Variants in PRR16 observed in about 807,000 individuals in gnomAD.
The protein encoded by PRR16 is protein Largen.
PRR16 carries 6 observed loss-of-function variants against 18.2 expected under a neutral mutation model. That is an observed-to-expected ratio of 0.33 (90% CI 0.18 to 0.65). The LOEUF (loss-of-function observed/expected upper bound fraction) is 0.65, where lower values mean the gene tolerates loss of function less well. PRR16 is among the 30% of genes least tolerant of loss of function. The pLI is 0.74. For synonymous variants in PRR16, 151 were observed against 147.8 expected, an observed-to-expected ratio of 1.02 and a Z score of -0.16; for missense variants, 412 against 376.6, an observed-to-expected ratio of 1.09 and a Z score of -0.78.
chr5:120,497,483 TG>T (rs1750294205), intron 1 of PRR16, among the ~76,000 whole-genome samples: 1 of 149,442 alleles, frequency 6.7e-6, no homozygotes, highest in African/African-American at 2.5e-5. Flanking sequence ...CTCCGTCTCC[TG>T]GTTCACACGA....
intron 1 of PRR16, among the ~76,000 whole-genome samples, chr5:120,683,438 G>T (rs1205768452): frequency 6.7e-6 from 1 of 149,212 alleles, no homozygotes. Context: ...GGAGATGGAG[G>T]TTGCGGTGAG....
the PRR16 span, among the ~76,000 whole-genome samples, chr5:120,750,857 A>T: frequency 6.6e-6 from 1 of 152,168 alleles, no homozygotes; most frequent in African/African-American, 2.4e-5. Flanking sequence ...AATACACAGT[A>T]AATCATTGTT....
chr5:120,483,561 T>C (rs1480880612), intron 1 of PRR16, among the ~76,000 whole-genome samples: 1 of 152,160 alleles, frequency 6.6e-6, no homozygotes, highest in African/African-American at 2.4e-5. Flanking sequence ...GGAGACCATA[T>C]GTCAGAGCTA....
intron 1 of PRR16, among the ~76,000 whole-genome samples, chr5:120,681,559 A>G (rs945759179): frequency 6.6e-6 from 1 of 152,118 alleles, no homozygotes; most frequent in Non-Finnish European, 1.5e-5. Flanking sequence ...TTGTTTACCA[A>G]TGCCTTTGTT....
intron 1 of PRR16, among the ~76,000 whole-genome samples, chr5:120,626,211 T>C (rs890265292): frequency 1.3e-5 from 2 of 152,148 alleles, no homozygotes; most frequent in South Asian, 4.1e-4. Context: ...ACAATCCAAA[T>C]GTTCATCAAC....
chr5:120,706,805 C>T, the PRR16 span, among the ~76,000 whole-genome samples: 13 of 152,152 alleles, frequency 8.5e-5, no homozygotes, highest in African/African-American at 3.1e-4. Flanking sequence ...TCGAATTCAA[C>T]TTCTTGGAGA....
intron 1 of PRR16, among the ~76,000 whole-genome samples, chr5:120,548,453 G>A (rs78655591): frequency 0.048 from 7,365 of 152,108 alleles, 191 homozygotes; most frequent in African/African-American, 0.072. Context: ...GAAAAATAGT[G>A]TGCACTTTTC....
chr5:120,661,457 C>A (rs1756170238), intron 1 of PRR16, among the ~76,000 whole-genome samples: 1 of 152,026 alleles, frequency 6.6e-6, no homozygotes, highest in Non-Finnish European at 1.5e-5. Flanking sequence ...ATTTAAATGG[C>A]CAAATTCAGT....
the PRR16 span, among the ~76,000 whole-genome samples, chr5:120,739,277 T>C: frequency 6.6e-6 from 1 of 152,144 alleles, no homozygotes; most frequent in East Asian, 1.9e-4. Flanking sequence ...TATAAAAAAA[T>C]TTGTAATGCT....
intron 1 of PRR16, among the ~76,000 whole-genome samples, chr5:120,605,241 T>C (rs548937084): frequency 2.6e-5 from 4 of 152,210 alleles, no homozygotes; most frequent in African/African-American, 9.6e-5. Flanking sequence ...GGTTTGTTCA[T>C]TTCAAAAAAT....
At chr5:120,524,105 A>G (rs1751276253) in intron 1 of PRR16, among the ~76,000 whole-genome samples, 1 of 152,160 alleles carries the variant, frequency 6.6e-6, no homozygotes, top group South Asian at 2.1e-4. Context: ...GGAAACTAAG[A>G]CACAGAAGTT....
At chr5:120,530,254 AAT>A (rs3047950) in intron 1 of PRR16, among the ~76,000 whole-genome samples, 44,233 of 106,376 alleles carry the variant, frequency 0.42, 10,908 homozygotes, top group East Asian at 0.55. Flanking sequence ...AGTGTGTGTA[AAT>A]ATATATATAT....
At chr5:120,535,571 G>A (rs554670823) in intron 1 of PRR16, among the ~76,000 whole-genome samples, 3 of 150,532 alleles carry the variant, frequency 2.0e-5, no homozygotes, top group East Asian at 4.0e-4. Context: ...AGGCCAAAGC[G>A]GGAGGATCGC....
the PRR16 span, among the ~76,000 whole-genome samples, chr5:120,722,352 C>G: frequency 2.0e-5 from 3 of 152,040 alleles, no homozygotes. Flanking sequence ...ATACAGGAAT[C>G]TAAATATGGG....
chr5:120,577,449 C>T (rs1753117019), intron 1 of PRR16, among the ~76,000 whole-genome samples: 1 of 151,362 alleles, frequency 6.6e-6, no homozygotes, highest in African/African-American at 2.4e-5. Context: ...TTTGAGGAAA[C>T]CAAATAGGGG....
At chr5:120,729,428 A>C in the PRR16 span, among the ~76,000 whole-genome samples, 1 of 152,168 alleles carries the variant, frequency 6.6e-6, no homozygotes, top group Admixed American at 6.6e-5. Context: ...GTATGAAAAC[A>C]TCTAGCCTTG....
the PRR16 span, among the ~76,000 whole-genome samples, chr5:120,740,528 G>T: frequency 1.3e-5 from 2 of 152,062 alleles, no homozygotes; most frequent in African/African-American, 4.8e-5. Flanking sequence ...TAAATCAACT[G>T]ACTATACATG....
chr5:120,754,438 A>T, the PRR16 span, among the ~76,000 whole-genome samples: 1 of 99,646 alleles, frequency 1.0e-5, no homozygotes, highest in South Asian at 2.8e-4. Context: ...TATATAGTAT[A>T]TAGTATATAT....
chr5:120,517,745 T>A (rs1217153695), intron 1 of PRR16, among the ~76,000 whole-genome samples: 2 of 152,156 alleles, frequency 1.3e-5, no homozygotes, highest in Non-Finnish European at 2.9e-5. Flanking sequence ...TTTATATCTG[T>A]CTCAGTAATT....
Sources: gnomAD v4.1 joint callset for allele counts (sites outside exome capture counted in the v4.1 genomes callset) on GRCh38, gnomAD v4.1.1 for gene constraint, MANE v1.5 for transcripts, NCBI Gene and HGNC (gene_info 2026-07-23, HGNC 2026-07-21) for gene names.